Variants in STXBP5 observed in about 807,000 individuals in gnomAD.
The protein encoded by STXBP5 is syntaxin-binding protein 5.
A neutral mutation model predicts 152.4 loss-of-function variants in STXBP5; 50 were observed. The ratio of observed to expected loss-of-function variants is 0.33; its 90% CI spans 0.26 to 0.42. STXBP5 has a LOEUF of 0.42. STXBP5 is among the 10% of genes least tolerant of loss of function. The pLI is 1.00. For missense variants in STXBP5, 1,167 were observed against 1,388.6 expected (o/e 0.84, Z 2.54); for synonymous variants, 492 against 494.7 (o/e 0.99, Z 0.07).
At chr6:147,224,352 G>C (rs766469193) in intron 2 of STXBP5, among the ~76,000 whole-genome samples, 1 of 152,202 alleles carries the variant, frequency 6.6e-6, no homozygotes, top group Non-Finnish European at 1.5e-5. Context: ...TTTCACAGCC[G>C]GGAGGCAGAG....
chr6:147,376,187 C>A (rs1562277201), intron 26 of STXBP5, among the ~76,000 whole-genome samples: 1 of 152,142 alleles, frequency 6.6e-6, no homozygotes, highest in Non-Finnish European at 1.5e-5. Flanking sequence ...TATGTCATAA[C>A]ATTAAAGAGT....
At chr6:147,338,112 G>A (rs1783919458) in intron 19 of STXBP5, among the ~76,000 whole-genome samples, 1 of 152,060 alleles carries the variant, frequency 6.6e-6, no homozygotes. Flanking sequence ...TTACATCGTA[G>A]GTATTTGCCT....
At chr6:147,258,404 T>C (rs1779480352) in intron 4 of STXBP5, among the ~76,000 whole-genome samples, 1 of 152,202 alleles carries the variant, frequency 6.6e-6, no homozygotes, top group Non-Finnish European at 1.5e-5. Flanking sequence ...TGTACAAACA[T>C]GCACACGCAT....
chr6:147,260,795 TATA>T (rs754879622), intron 5 of STXBP5, 46 bp downstream of exon 5: 1 of 1,592,926 alleles, frequency 6.3e-7, no homozygotes, highest in Middle Eastern at 1.7e-4. Flanking sequence ...CAGTTCTATA[TATA>T]ATAATACCGT....
intron 23 of STXBP5, among the ~76,000 whole-genome samples, chr6:147,359,877 T>C (rs1784987118): frequency 6.6e-6 from 1 of 152,062 alleles, no homozygotes; most frequent in Non-Finnish European, 1.5e-5. Context: ...ACATTTGGGT[T>C]GGTTCCAGCA....
At position 147,335,480 on chromosome 6, in the gene STXBP5, A is replaced by G. The variant is rs146442577; in HGVS notation, c.2146+1258A>G. ...GGAACATGTGATATATTACACTTAA[A>G]TATATTAAATACCATGGGAGATGGG... On this transcript the variant is annotated intron_variant, in intron 19 of 27. Coordinates refer to ENST00000321680, the MANE Select transcript of STXBP5 (RefSeq NM_001127715.4). Among the ~76,000 whole-genome samples, 62 of 152,348 alleles carry G rather than the reference A, an allele frequency of 4.1e-4. No individual in the cohort carries two copies. In the East Asian group the frequency reaches 6.4e-3, roughly 16 times the overall value.
In STXBP5 at chr6:147,204,646, G is replaced by A; in HGVS notation, c.114G>A (p.Gln38=). 2 of 1,610,564 alleles carry A rather than the reference G, an allele frequency of 1.2e-6. No homozygotes were observed. Among genetic ancestry groups the A allele is most frequent in the South Asian group, 2.2e-5 (2 of 90,916 alleles). ...HPPGNREPEI[Q]ETLQSEHFQL... is the part of the protein sequence containing the mutation. The stretch of plus-strand genomic sequence containing the variant: ...CTGGGAACCGGGAGCCGGAGATCCA[G>A]GAAACGCTCCAGTCCGAGCACTTTC... The change falls in exon 1 of 28, where the codon CAG becomes CAA. Residue 38 remains glutamine (Q), a synonymous_variant. Transcript: ENST00000321680. The surrounding 1 kb of genome is among the most constrained non-coding windows in gnomAD (Gnocchi z 4.3).
intron 27 of STXBP5, among the ~76,000 whole-genome samples, chr6:147,383,723 A>G (rs184052556): frequency 6.6e-6 from 1 of 152,184 alleles, no homozygotes; most frequent in East Asian, 1.9e-4. Flanking sequence ...TGAAGAAACA[A>G]TTTTAAGGTT....
At chr6:147,254,156 G>T (rs879356439) in intron 4 of STXBP5, among the ~76,000 whole-genome samples, 3 of 152,098 alleles carry the variant, frequency 2.0e-5, no homozygotes, top group Non-Finnish European at 4.4e-5. Context: ...ACAATCATCT[G>T]ATCTTTGACA....
At chr6:147,214,377 A>T (rs1386606852) in intron 2 of STXBP5, among the ~76,000 whole-genome samples, 3 of 152,146 alleles carry the variant, frequency 2.0e-5, no homozygotes, top group Non-Finnish European at 4.4e-5. Context: ...TTACCATGTA[A>T]CTTATCTTTT....
rs904834979 is a variant in STXBP5 at position 147,361,100 on chromosome 6, G to A, written c.2545+1777G>A. Among the ~76,000 whole-genome samples, 4 of 152,210 alleles carry A rather than the reference G, an allele frequency of 2.6e-5. 1 individual carries two copies. The highest frequency in any genetic ancestry group is 3.9e-4 in the East Asian group (2 of 5,176). On this transcript the variant is annotated intron_variant, in intron 23 of 27. Coordinates refer to ENST00000321680, the MANE Select transcript of STXBP5 (RefSeq NM_001127715.4). ...TCTCAGTTCTTATTAGTAAATATGT[G>A]TATAGGAATAAAATAAACTGGAAAG...
At chr6:147,300,760 T>C (rs1403474014) in intron 9 of STXBP5, among the ~76,000 whole-genome samples, 3 of 152,010 alleles carry the variant, frequency 2.0e-5, no homozygotes, top group Admixed American at 2.0e-4. Flanking sequence ...TTTTTTTGGA[T>C]AGAACCTCAA....
intron 9 of STXBP5, among the ~76,000 whole-genome samples, chr6:147,298,468 A>T (rs895908697): frequency 1.3e-5 from 2 of 152,110 alleles, no homozygotes; most frequent in African/African-American, 4.8e-5. Flanking sequence ...TTAAATTGCA[A>T]TGTAGACGAA....
In STXBP5 at chr6:147,329,907, G is replaced by A. The variant is rs896542308; in HGVS notation, c.2080+2631G>A. Among the ~76,000 whole-genome samples, 5 of 152,136 alleles carry A rather than the reference G, an allele frequency of 3.3e-5. No homozygotes were observed. The East Asian group carries it at 5.8e-4, about 18-fold the overall frequency. On this transcript the variant is annotated intron_variant, in intron 18 of 27. Transcript: ENST00000321680. ...CTCCCAAAGTGCTGGGATTACAGGC[G>A]TGAGCCACCGCGCCCGGCCTCTTCA...
intron 21 of STXBP5, among the ~76,000 whole-genome samples, chr6:147,350,624 A>T (rs568429534): frequency 2.4e-4 from 36 of 152,022 alleles, no homozygotes; most frequent in South Asian, 8.3e-4. Flanking sequence ...TTTGTGCTAA[A>T]TTTTTTTTAT....
At chr6:147,241,054 CAG>C (rs1778516856) in intron 4 of STXBP5, among the ~76,000 whole-genome samples, 1 of 152,152 alleles carries the variant, frequency 6.6e-6, no homozygotes, top group Non-Finnish European at 1.5e-5. Context: ...ATACCCAAAA[CAG>C]GGAACCATAT....
chr6:147,332,422 C>A (rs1168596672), intron 18 of STXBP5, among the ~76,000 whole-genome samples: 2 of 152,176 alleles, frequency 1.3e-5, no homozygotes, highest in African/African-American at 4.8e-5. Flanking sequence ...AATAGAGTGT[C>A]TAGATGATTT....
chr6:147,297,930 C>T (rs1781611596), intron 9 of STXBP5, among the ~76,000 whole-genome samples: 1 of 150,194 alleles, frequency 6.7e-6, no homozygotes, highest in East Asian at 2.0e-4. Flanking sequence ...CAAAGCCAAA[C>T]AAGAAAGGAA....
At position 147,237,088 on chromosome 6, in the gene STXBP5, T is replaced by G. The variant is rs559879618; in HGVS notation, c.330+1757T>G. ...ACCACGCCTGACCTGTTCTTCATTT[T>G]TATACTTGTGTTAAGATTATTTTTT... is the stretch of plus-strand genomic sequence containing the variant. On this transcript the variant is annotated intron_variant, in intron 3 of 27. Coordinates refer to ENST00000321680, the MANE Select transcript of STXBP5 (RefSeq NM_001127715.4). 4.9e-4 allele frequency among the ~76,000 whole-genome samples: 75 copies of G among 152,258 alleles called. No individual in the cohort carries two copies. In the South Asian group the frequency reaches 0.015, roughly 30 times the overall value.
Sources: gnomAD v4.1 joint callset for allele counts (sites outside exome capture counted in the v4.1 genomes callset) on GRCh38, gnomAD v4.1.1 for gene constraint, Gnocchi (gnomAD v3.1) non-coding constraint, MANE v1.5 for transcripts, NCBI Gene and HGNC (gene_info 2026-07-23, HGNC 2026-07-21) for gene names.